Variants in NFIA observed in about 807,000 individuals in gnomAD.
NFIA encodes nuclear factor 1 A-type.
A neutral mutation model predicts 62.8 loss-of-function variants in NFIA; 8 were observed. The ratio of observed to expected loss-of-function variants is 0.13; its 90% confidence interval spans 0.07 to 0.23. The LOEUF (loss-of-function observed/expected upper bound fraction) is 0.23. Ranked by LOEUF, NFIA falls within the 10% of genes least tolerant of loss-of-function variation. The probability of loss-of-function intolerance (pLI) is 1.00; values close to 1 mark genes in which losing one functional copy is unlikely to be tolerated. For synonymous variants in NFIA, 235 were observed against 238.1 expected, an observed-to-expected ratio of 0.99 and a Z score of 0.12; for missense variants, 410 against 642.1, an observed-to-expected ratio of 0.64 and a Z score of 3.91.
At chr1:61,320,604 C>G (rs950214881) in intron 3 of NFIA, among the ~76,000 whole-genome samples, 2 of 148,268 alleles carry the variant, frequency 1.3e-5, no homozygotes, top group Non-Finnish European at 3.0e-5. Flanking sequence ...GATTTTCTTT[C>G]CATGCTTGGT....
intron 3 of NFIA, among the ~76,000 whole-genome samples, chr1:61,298,131 G>C (rs1411041676): frequency 6.6e-6 from 1 of 152,148 alleles, no homozygotes; most frequent in Non-Finnish European, 1.5e-5. Flanking sequence ...AGGGAGGGAA[G>C]TGATTGGATT....
intron 2 of NFIA, among the ~76,000 whole-genome samples, chr1:61,095,311 C>T (rs536046547): frequency 1.3e-5 from 2 of 152,166 alleles, no homozygotes; most frequent in East Asian, 1.9e-4. Context: ...AGCTTGCTGT[C>T]GCTTTCATAG....
At chr1:61,144,614 C>T (rs1461931664) in intron 2 of NFIA, among the ~76,000 whole-genome samples, 1 of 152,154 alleles carries the variant, frequency 6.6e-6, no homozygotes, top group East Asian at 1.9e-4. Context: ...GGAAAACTCT[C>T]TAAGCCTTAG....
At chr1:61,437,224 C>G (rs886293541) in intron 10 of NFIA, among the ~76,000 whole-genome samples, 8 of 152,162 alleles carry the variant, frequency 5.3e-5, no homozygotes, top group African/African-American at 1.9e-4. Context: ...CAGCTTCTGC[C>G]CCTCTCAAGC....
intron 3 of NFIA, among the ~76,000 whole-genome samples, chr1:61,306,269 C>CTTTTTT (rs774297484): frequency 0.098 from 5,910 of 60,246 alleles, 1,026 homozygotes; most frequent in East Asian, 0.3. Context: ...AGATTTTGTT[C>CTTTTTT]TTTTTTTTTT....
At chr1:61,430,696 T>C (rs1439064020) in intron 10 of NFIA, among the ~76,000 whole-genome samples, 1 of 152,168 alleles carries the variant, frequency 6.6e-6, no homozygotes, top group Non-Finnish European at 1.5e-5. Flanking sequence ...TGAAGCAGAA[T>C]TGCCTTCTCT....
intron 2 of NFIA, among the ~76,000 whole-genome samples, chr1:61,093,687 C>G (rs1168466529): frequency 6.6e-6 from 1 of 152,080 alleles, no homozygotes; most frequent in South Asian, 2.1e-4. Flanking sequence ...GATGGTAGTT[C>G]TAAGGCAGAG....
intron 1 of NFIA, among the ~76,000 whole-genome samples, chr1:61,087,186 A>T (rs904186764): frequency 6.6e-6 from 1 of 151,998 alleles, no homozygotes; most frequent in African/African-American, 2.4e-5. Flanking sequence ...TTTCAATTTT[A>T]AGAGGCATCT....
At chr1:61,128,131 T>C (rs1438940757) in intron 2 of NFIA, among the ~76,000 whole-genome samples, 2 of 152,048 alleles carry the variant, frequency 1.3e-5, no homozygotes, top group Non-Finnish European at 2.9e-5. Context: ...TATTCAATAA[T>C]GTAGACGTGG....
At chr1:61,113,776 G>A (rs1255237011) in intron 2 of NFIA, among the ~76,000 whole-genome samples, 1 of 151,988 alleles carries the variant, frequency 6.6e-6, no homozygotes, top group East Asian at 1.9e-4. Context: ...GAGAGCAGGT[G>A]AAAGGCGTGA....
chr1:61,162,497 C>CT (rs1207521251), intron 2 of NFIA, among the ~76,000 whole-genome samples: 2 of 152,184 alleles, frequency 1.3e-5, no homozygotes, highest in Non-Finnish European at 2.9e-5. Context: ...AGGCTGTGTT[C>CT]TTTTACCCAA....
intron 7 of NFIA, among the ~76,000 whole-genome samples, chr1:61,388,196 G>C (rs909741046): frequency 6.6e-6 from 1 of 152,118 alleles, no homozygotes; most frequent in African/African-American, 2.4e-5. Flanking sequence ...CTATCGATAG[G>C]GGGAAGATAT....
At chr1:61,328,787 A>G (rs1661110955) in intron 3 of NFIA, among the ~76,000 whole-genome samples, 1 of 144,394 alleles carries the variant, frequency 6.9e-6, no homozygotes, top group Non-Finnish European at 1.5e-5. Flanking sequence ...CAGTGGCGCA[A>G]TCTCAGCTCA....
At chr1:61,315,698 G>A (rs1660332813) in intron 3 of NFIA, among the ~76,000 whole-genome samples, 1 of 152,148 alleles carries the variant, frequency 6.6e-6, no homozygotes, top group African/African-American at 2.4e-5. Context: ...TTCATGGTTG[G>A]TTGACATTAT....
intron 4 of NFIA, among the ~76,000 whole-genome samples, chr1:61,350,351 G>T (rs377173541): frequency 1.3e-4 from 19 of 150,794 alleles, no homozygotes; most frequent in Admixed American, 1.1e-3. Flanking sequence ...AGATCCCACC[G>T]GGCACATGTT....
In NFIA at chr1:61,455,589, AT is replaced by A. The variant is rs1256674529; in HGVS notation, c.*272del. 1.9e-6 allele frequency: 1 copy of A among 533,130 alleles called. No individual in the cohort carries two copies. The highest frequency in any genetic ancestry group is 2.0e-5 in the African/African-American group (1 of 50,972). The allele number at this position is 533,130 out of a possible 1,614,324, so 33.0% of individuals were successfully genotyped here. A position where few individuals can be genotyped will look rare whatever the true frequency, so the allele number is the denominator to read the frequency against. On this transcript the variant is annotated 3_prime_UTR_variant, in exon 11 of 11. Coordinates refer to ENST00000403491, the MANE Select transcript of NFIA (RefSeq NM_001134673.4). Reference sequence around the variant, plus strand: ...GCTGGAAATGGTTGGGCTTTGTAACATTTGAAGTGTTTCCATGGTAGCGTGA... The same window carrying A: ...GCTGGAAATGGTTGGGCTTTGTAACATTGAAGTGTTTCCATGGTAGCGTGA...
At chr1:61,402,693 A>G (rs1391680217) in intron 7 of NFIA, among the ~76,000 whole-genome samples, 1 of 152,252 alleles carries the variant, frequency 6.6e-6, no homozygotes. Flanking sequence ...TCTTGAGCCC[A>G]TAGTAGGAGC....
chr1:61,218,466 C>T (rs1313265672), intron 2 of NFIA, among the ~76,000 whole-genome samples: 1 of 152,166 alleles, frequency 6.6e-6, no homozygotes, highest in Non-Finnish European at 1.5e-5. Flanking sequence ...ACAGTCAGTC[C>T]TTCATGCCAG....
At chr1:61,111,502 A>T (rs1646693667) in intron 2 of NFIA, among the ~76,000 whole-genome samples, 1 of 152,192 alleles carries the variant, frequency 6.6e-6, no homozygotes, top group Admixed American at 6.5e-5. Context: ...AGCAATGTGG[A>T]GTGGGGAATG....
Sources: gnomAD v4.1 joint callset for allele counts (sites outside exome capture counted in the v4.1 genomes callset) on GRCh38, gnomAD v4.1.1 for gene constraint, MANE v1.5 for transcripts, NCBI Gene and HGNC (gene_info 2026-07-23, HGNC 2026-07-21) for gene names.